ZDHHC9: variants seen among roughly 807,000 people sequenced by gnomAD.
ZDHHC9 encodes the protein zDHHC palmitoyltransferase 9.
ZDHHC9 carries 3 observed loss-of-function variants against 26.6 expected under a neutral mutation model. The observed-to-expected ratio is 0.11, with a 90% CI of 0.05 to 0.29. ZDHHC9 has a LOEUF of 0.29. Ranked by LOEUF, ZDHHC9 falls within the 10% of genes least tolerant of loss-of-function variation. ZDHHC9 has a pLI of 1.00. For missense variants in ZDHHC9, 146 were observed against 296.4 expected, an observed-to-expected ratio of 0.49 and a Z score of 3.73; for synonymous variants, 111 against 109.4, an observed-to-expected ratio of 1.01 and a Z score of -0.09.
intron 4 of ZDHHC9, among the ~76,000 whole-genome samples, chrX:129,827,048 G>T (rs1027103924): frequency 1.0e-4 from 11 of 109,904 alleles, no homozygotes; most frequent in Non-Finnish European, 1.9e-4. Flanking sequence ...ACAAAAATTA[G>T]CTGGGAGTGG....
rs759127031 is a variant in ZDHHC9, at chrX:129,812,780, C to T, written c.715G>A (p.Val239Ile). The T allele has an allele frequency of 9.1e-6, 11 of 1,211,028 alleles. No individual in the cohort carries two copies. Among genetic ancestry groups the T allele is most frequent in the East Asian group, 5.9e-5 (2 of 33,840 alleles). Residue 239 changes from valine (V) to isoleucine (I), a missense_variant, in exon 8 of 11, where the codon GTC (valine) becomes ATC (isoleucine). This residue lies in a region of ZDHHC9 where 100 missense variants were observed against 250.0 expected (regional missense o/e 0.40). Transcript: ENST00000357166. ...GTATGAAATCCAGTCAGTCCCACGA[C>T]GGACCAGAGTGTAAAGAAGCAAATG... Reference protein sequence around the residue: ...VLICFFTLWSVVGLTGFHTFL... With the variant: ...VLICFFTLWSIVGLTGFHTFL...
chrX:129,811,616 T>C, intron 8 of ZDHHC9, 107 bp from the exon 9 acceptor site: 1 of 658,370 alleles, frequency 1.5e-6, no homozygotes, highest in Non-Finnish European at 2.3e-6. Context: ...AATAATAATG[T>C]TGAAGAAACA....
In ZDHHC9 at chrX:129,814,734, G is replaced by A. The variant is rs773907113; in HGVS notation, c.549C>T (p.Tyr183=). The change falls in exon 6 of 11, where the codon TAC becomes TAT. Residue 183 remains tyrosine, a synonymous_variant. Coordinates refer to ENST00000357166, the MANE Select transcript of ZDHHC9 (RefSeq NM_016032.4). The stretch of plus-strand genomic sequence containing the variant: ...AGAGAGAAAGGATGAAGAGGTAGAA[G>A]TAGCGGTAGTTCCTCTTTCCAACAC... The part of the protein sequence containing the change: ...GNCVGKRNYR[Y]FYLFILSLSL... 3 of 1,208,570 alleles carry A rather than the reference G, an allele frequency of 2.5e-6. No homozygotes were observed. In the Admixed American group the frequency reaches 6.6e-5, roughly 27 times the overall value.
chrX:129,835,778 C>T (rs182876888), intron 3 of ZDHHC9, among the ~76,000 whole-genome samples: 70 of 110,201 alleles, frequency 6.4e-4, no homozygotes, highest in Non-Finnish European at 1.2e-3. Flanking sequence ...AATGAAACTC[C>T]GTCTCAAAGA....
At chrX:129,813,974 C>T (rs757563530) in intron 6 of ZDHHC9, among the ~76,000 whole-genome samples, 1 of 112,114 alleles carries the variant, frequency 8.9e-6, no homozygotes, top group South Asian at 3.7e-4. Flanking sequence ...AGCAGGCTCC[C>T]TTCCCTTTTC....
intron 5 of ZDHHC9, among the ~76,000 whole-genome samples, chrX:129,820,459 T>C (rs914134936): frequency 9.3e-6 from 1 of 107,323 alleles, no homozygotes; most frequent in Admixed American, 1.0e-4. Context: ...GGCATGGTAG[T>C]GCATGCCTGT....
At chrX:129,836,848 C>T (rs1373050871) in intron 3 of ZDHHC9, among the ~76,000 whole-genome samples, 1 of 112,155 alleles carries the variant, frequency 8.9e-6, no homozygotes, top group African/African-American at 3.2e-5. Flanking sequence ...CCCAAAGAGC[C>T]TAGATGCCAC....
intron 2 of ZDHHC9, 135 bp from the exon 3 acceptor site, chrX:129,842,215 A>G (rs1466524499): frequency 2.5e-6 from 1 of 396,715 alleles, no homozygotes; most frequent in Non-Finnish European, 4.4e-6. Context: ...GTTTATTTCC[A>G]ATTCGTGTTT....
chrX:129,806,882 C>T (rs1297507751), intron 10 of ZDHHC9, among the ~76,000 whole-genome samples: 1 of 111,587 alleles, frequency 9.0e-6, no homozygotes, highest in Non-Finnish European at 1.9e-5. Context: ...TGATTCTGAA[C>T]CAAAGAAGGC....
intron 6 of ZDHHC9, 71 bp from the exon 7 acceptor site, chrX:129,813,796 C>G: frequency 1.0e-6 from 1 of 964,612 alleles, no homozygotes; most frequent in Non-Finnish European, 1.5e-6. Context: ...TATCCTAGTG[C>G]CTACTCACTT....
chrX:129,810,122 G>A (rs907767744), intron 10 of ZDHHC9, among the ~76,000 whole-genome samples: 6 of 110,282 alleles, frequency 5.4e-5, no homozygotes, highest in South Asian at 3.8e-4. Context: ...AGGCTGAGGC[G>A]GGAGGATCAC....
At position 129,805,751 on chromosome X, in the gene ZDHHC9, G is replaced by C. The variant is rs1325606707; in HGVS notation, c.*619C>G. Reference sequence around the variant, plus strand: ...ATATATCTAATGGGAAAAGAGTGGGGCTTAGGTGTCAGAGTGGATGGGAGA... The same window carrying C: ...ATATATCTAATGGGAAAAGAGTGGGCCTTAGGTGTCAGAGTGGATGGGAGA... On this transcript the variant is annotated 3_prime_UTR_variant, in exon 11 of 11. Coordinates refer to ENST00000357166, the MANE Select transcript of ZDHHC9 (RefSeq NM_016032.4). The C allele has an allele frequency of 8.9e-6, 1 of 112,883 alleles. No homozygotes were observed. Among genetic ancestry groups the C allele is most frequent in the Admixed American group, 9.3e-5 (1 of 10,784 alleles). 9.3% of individuals were successfully genotyped at this position (112,883 alleles called of 1,213,427 possible). A position where few individuals can be genotyped will look rare whatever the true frequency, so the allele number is the denominator to read the frequency against.
intron 5 of ZDHHC9, among the ~76,000 whole-genome samples, chrX:129,821,146 G>A (rs1327254962): frequency 1.8e-5 from 2 of 111,890 alleles, no homozygotes; most frequent in East Asian, 5.6e-4. Context: ...AACAACAGAT[G>A]CTGGCAAGGT....
chrX:129,818,541 A>G (rs1336997185), intron 5 of ZDHHC9, among the ~76,000 whole-genome samples: 2 of 112,755 alleles, frequency 1.8e-5, no homozygotes, highest in Non-Finnish European at 3.7e-5. Context: ...GTGTTACAAC[A>G]ATGAATAAAA....
At chrX:129,835,049 G>C (rs1355546316) in intron 3 of ZDHHC9, among the ~76,000 whole-genome samples, 1 of 112,413 alleles carries the variant, frequency 8.9e-6, no homozygotes, top group Non-Finnish European at 1.9e-5. Flanking sequence ...ATCCTCAAAA[G>C]ATGGGAGAGG....
At chrX:129,811,037 A>C in intron 9 of ZDHHC9, 36 bp from the exon 10 acceptor site, 4 of 1,137,662 alleles carry the variant, frequency 3.5e-6, no homozygotes, top group African/African-American at 1.8e-5. Flanking sequence ...AGAACTGGGC[A>C]TTCACCCCTC....
chrX:129,822,714 A>G (rs760401494), intron 5 of ZDHHC9, among the ~76,000 whole-genome samples: 1 of 111,850 alleles, frequency 8.9e-6, no homozygotes, highest in South Asian at 3.7e-4. Flanking sequence ...AGAGCACCAT[A>G]TAGCTTTTAC....
chrX:129,813,381 A>G (rs1398172428), intron 7 of ZDHHC9, among the ~76,000 whole-genome samples: 2 of 111,947 alleles, frequency 1.8e-5, no homozygotes, highest in African/African-American at 6.5e-5. Flanking sequence ...AAATTCATAA[A>G]TGAAGAACTG....
chrX:129,832,587 C>T (rs191472226), intron 3 of ZDHHC9, among the ~76,000 whole-genome samples: 6,611 of 110,131 alleles, frequency 0.06, 507 homozygotes, highest in African/African-American at 0.21. Flanking sequence ...ATCAAGACCA[C>T]CCTGGCTAAC....
Sources: gnomAD v4.1 joint callset for allele counts (sites outside exome capture counted in the v4.1 genomes callset) on GRCh38, gnomAD v4.1.1 for gene constraint, gnomAD v4.1.1 regional missense constraint, MANE v1.5 for transcripts, NCBI Gene and HGNC (gene_info 2026-07-23, HGNC 2026-07-21) for gene names.